The following MCF2L variants were observed in gnomAD, a reference collection of about 807,000 sequenced individuals.
The protein encoded by MCF2L is guanine nucleotide exchange factor DBS.
A neutral mutation model predicts 153.4 loss-of-function variants in MCF2L; 97 were observed. That is an observed-to-expected ratio of 0.63 (90% CI 0.54 to 0.75). The LOEUF (loss-of-function observed/expected upper bound fraction) is 0.75. Among genes scored for constraint, MCF2L ranks in the 30% least tolerant of loss-of-function variants. The pLI is 0.00. For synonymous variants in MCF2L, 659 were observed against 632.2 expected (o/e 1.04, Z -0.64); for missense variants, 1,347 against 1,495.2 (o/e 0.90, Z 1.64).
At position 113,027,033 on chromosome 13, in the gene MCF2L, G is replaced by A. The variant is rs563721409; in HGVS notation, c.278+2275G>A. ...TTGCTGCTTCCATTTGGGGTATAGTGAACACACACCAAGTAAAAACAGAAA... is the reference window on the plus strand; with the variant it reads ...TTGCTGCTTCCATTTGGGGTATAGTAAACACACACCAAGTAAAAACAGAAA... On this transcript the variant is annotated intron_variant, in intron 3 of 29. Transcript: ENST00000535094. This position sits in a 1 kb window ranked among gnomAD's most constrained non-coding sequence, Gnocchi z 4.8. 1 of 777,710 alleles carries A rather than the reference G, an allele frequency of 1.3e-6. No homozygotes were observed. Among genetic ancestry groups the A allele is most frequent in the African/African-American group, 1.7e-5 (1 of 59,216 alleles). 48.2% of individuals were successfully genotyped at this position (777,710 alleles called of 1,614,324 possible). A position where few individuals can be genotyped will look rare whatever the true frequency, so the allele number is the denominator to read the frequency against.
intron 1 of MCF2L, among the ~76,000 whole-genome samples, chr13:112,974,253 A>G (rs561899140): frequency 2.6e-5 from 4 of 152,298 alleles, no homozygotes; most frequent in African/African-American, 9.6e-5. Context: ...CCAGTTCCGC[A>G]AAGGCACCCG....
intron 17 of MCF2L, 95 bp from the exon 18 acceptor site, chr13:113,083,903 G>T: frequency 1.1e-6 from 1 of 919,166 alleles, no homozygotes; most frequent in South Asian, 1.3e-5. Context: ...AGAGCAAGGC[G>T]TAACAGGCTT....
chr13:113,075,613 G>T (rs1192040390), intron 11 of MCF2L, among the ~76,000 whole-genome samples: 1 of 152,188 alleles, frequency 6.6e-6, no homozygotes, highest in Non-Finnish European at 1.5e-5. Context: ...GGGATTACAG[G>T]CGTGAGCCAC....
At chr13:112,945,471 T>A (rs1178484955) in intron 2 of MCF2L, among the ~76,000 whole-genome samples, 3 of 152,268 alleles carry the variant, frequency 2.0e-5, no homozygotes, top group Non-Finnish European at 2.9e-5. Flanking sequence ...TTAATGTTTT[T>A]TAAAGTGCTT....
chr13:112,942,026 A>G (rs2081580037), intron 2 of MCF2L, among the ~76,000 whole-genome samples: 1 of 152,208 alleles, frequency 6.6e-6, no homozygotes, highest in African/African-American at 2.4e-5. Context: ...AGTGTCAAGG[A>G]AAAACACCCA....
At position 113,064,934 on chromosome 13, in the gene MCF2L, A is replaced by G. The variant is rs763151278; in HGVS notation, c.607-2A>G. The G allele has an allele frequency of 6.2e-7, 1 of 1,611,976 alleles. No homozygotes were observed. Among genetic ancestry groups the G allele is most frequent in the Non-Finnish European group, 8.5e-7 (1 of 1,179,250 alleles). On this transcript the variant is annotated splice_acceptor_variant, in intron 6 of 29. Transcript: ENST00000535094. LOFTEE classifies it high-confidence loss of function. This position sits in a 1 kb window ranked among gnomAD's most constrained non-coding sequence, Gnocchi z 6.0. ...TGCAATTGTGTTTTCTCTGTCCCCA[A>G]GGCCATCGAAAGTTTCGCCCTCATG...
At chr13:112,971,279 A>G (rs1468241485) in intron 1 of MCF2L, among the ~76,000 whole-genome samples, 1 of 152,202 alleles carries the variant, frequency 6.6e-6, no homozygotes, top group East Asian at 1.9e-4. Context: ...TTAAATTCCA[A>G]GCACTTCCTC....
At chr13:113,093,184 C>T (rs919495902) in intron 26 of MCF2L, among the ~76,000 whole-genome samples, 1 of 152,248 alleles carries the variant, frequency 6.6e-6, no homozygotes, top group African/African-American at 2.4e-5. Context: ...ACCTGGGCCC[C>T]CACCCTTGCT....
At chr13:113,075,322 T>A (rs2033355596) in intron 11 of MCF2L, 133 bp downstream of exon 11, 1 of 714,380 alleles carries the variant, frequency 1.4e-6, no homozygotes, top group African/African-American at 1.8e-5. Flanking sequence ...GCACCCTTCG[T>A]TTCTGGTCTT....
Position 112,904,553 on chromosome 13 carries a change from C to G in MCF2L, c.169+2182C>G, listed in dbSNP as rs1202354874. ...TCTGACTTCTTCCTCCCCTAACTCG[C>G]AAAACCTCTCTGATCCCTGAGTCCT... On this transcript the variant is annotated intron_variant, in intron 2 of 29. Coordinates refer to the MCF2L transcript ENST00000375608. The surrounding 1 kb of genome is among the most constrained non-coding windows in gnomAD (Gnocchi z 4.2). Among the ~76,000 whole-genome samples, 1 of 152,234 alleles carries G rather than the reference C, an allele frequency of 6.6e-6. No homozygotes were observed. The highest frequency in any genetic ancestry group is 2.4e-5 in the African/African-American group (1 of 41,458).
At chr13:112,980,376 G>A (rs2082365668) in intron 1 of MCF2L, among the ~76,000 whole-genome samples, 1 of 152,254 alleles carries the variant, frequency 6.6e-6, no homozygotes, top group Admixed American at 6.5e-5. Flanking sequence ...CTGGCGACCT[G>A]GAACCACGGT....
intron 1 of MCF2L, among the ~76,000 whole-genome samples, chr13:112,980,628 GCCGCCTTCCCCTTTCCC>G (rs61218680): frequency 7.0e-5 from 7 of 100,424 alleles, no homozygotes; most frequent in Admixed American, 3.1e-4. Flanking sequence ...CTCTCAGGCT[GCCGCCTTCCCCTTTCCC>G]CCGCCTTCCC....
chr13:112,979,570 A>G, intron 1 of MCF2L: 2 of 1,576,906 alleles, frequency 1.3e-6, no homozygotes, highest in Non-Finnish European at 1.7e-6. Context: ...CAGAGACCCG[A>G]AGGCTGTGGC....
rs548959082 is a variant in MCF2L, at chr13:113,070,075, A to G, written c.898A>G (p.Asn300Asp). ...ATVQRLLAQL[N>D]ETEAAFDEFW... is the part of the protein sequence containing the mutation. ...CTTTCCCAGGCTCCTGGCCCAGCTG[A>G]ACGAAACCGAGGCTGCCTTCGATGA... The change falls in exon 9 of 30, where the codon AAC becomes GAC. Residue 300 changes from asparagine (N) to aspartate (D), a missense_variant. Physicochemically the swap from Asn to Asp is conservative, Grantham distance 23 (BLOSUM62 1). Coordinates refer to ENST00000535094, the MANE Select transcript of MCF2L (RefSeq NM_001112732.3). The surrounding 1 kb of genome is among the most constrained non-coding windows in gnomAD (Gnocchi z 5.6). 5.0e-6 allele frequency: 8 copies of G among 1,609,480 alleles called. No homozygotes were observed. The South Asian group carries it at 6.6e-5, about 13-fold the overall frequency.
chr13:113,054,148 C>T lies in MCF2L; in HGVS notation c.370-6445C>T, dbSNP rs2087564947. On this transcript the variant is annotated intron_variant, in intron 4 of 29. Transcript: ENST00000535094. This position sits in a 1 kb window ranked among gnomAD's most constrained non-coding sequence, Gnocchi z 5.2. ...ACTGTCCTATTTTCATAGTAGTCCC[C>T]ACCCAAATGTCATTCGAGTCCAATC... is the stretch of plus-strand genomic sequence containing the variant. 6.6e-6 allele frequency among the ~76,000 whole-genome samples: 1 copy of T among 152,154 alleles called. No individual in the cohort carries two copies. Among genetic ancestry groups the T allele is most frequent in the South Asian group, 2.1e-4 (1 of 4,826 alleles).
Position 113,076,070 on chromosome 13 carries a change from G to T in MCF2L, c.1413G>T (p.Lys471Asn). 2 of 1,614,068 alleles carry T rather than the reference G, an allele frequency of 1.2e-6. No homozygotes were observed. Among genetic ancestry groups the T allele is most frequent in the Non-Finnish European group, 1.7e-6 (2 of 1,180,010 alleles). ...AGGCTGCCCTCCAGGAAATCGAGAA[G>T]TTTTTGGAGACCGGTGCGGAAAATA... ...GAEAALQEIE[K>N]FLETGAENKI... Residue 471 changes from lysine (K) to asparagine (N), a missense_variant, in exon 12 of 30, where the codon AAG (lysine) becomes AAT (asparagine). Transcript: ENST00000535094.
At position 113,062,702 on chromosome 13, in the gene MCF2L, G is replaced by A. The variant is rs531493411; in HGVS notation, c.490-1602G>A. Among the ~76,000 whole-genome samples the A allele has an allele frequency of 2.0e-5, 3 of 152,326 alleles. No homozygotes were observed. In the South Asian group the frequency reaches 6.2e-4, roughly 32 times the overall value. On this transcript the variant is annotated intron_variant, in intron 5 of 29. Transcript: ENST00000535094. ...GTGTGTGTCCGTGTTTCAGTGCCGT[G>A]TGCTGGACTCAGCCATAGAAAGGAG...
intron 2 of MCF2L, among the ~76,000 whole-genome samples, chr13:112,938,629 A>G (rs1040788428): frequency 2.0e-5 from 3 of 152,210 alleles, no homozygotes; most frequent in Admixed American, 6.5e-5. Flanking sequence ...TTAAACCAAA[A>G]TGATCAATTT....
chr13:112,907,815 C>T lies in MCF2L; in HGVS notation c.169+5444C>T, dbSNP rs899770321. Among the ~76,000 whole-genome samples the T allele has an allele frequency of 2.0e-5, 3 of 152,176 alleles. No individual in the cohort carries two copies. Among genetic ancestry groups the T allele is most frequent in the Non-Finnish European group, 4.4e-5 (3 of 68,044 alleles). On this transcript the variant is annotated intron_variant, in intron 2 of 29. Coordinates refer to the MCF2L transcript ENST00000375608. This position sits in a 1 kb window ranked among gnomAD's most constrained non-coding sequence, Gnocchi z 5.1. ...CTCTGAGAAAAGGCGATCTCAGCAGCACGCCGTGTTAAAGAACAGCGCATG... is the reference window on the plus strand; with the variant it reads ...CTCTGAGAAAAGGCGATCTCAGCAGTACGCCGTGTTAAAGAACAGCGCATG...
Sources: allele counts gnomAD v4.1 joint callset (sites outside exome capture counted in the v4.1 genomes callset), GRCh38; gene constraint gnomAD v4.1.1; non-coding constraint Gnocchi (gnomAD v3.1); transcripts MANE v1.5; gene names NCBI Gene and HGNC (gene_info 2026-07-23, HGNC 2026-07-21).